The following DGKB variants were observed in gnomAD, a reference collection of about 807,000 sequenced individuals.
DGKB encodes the protein 90 kDa diacylglycerol kinase.
DGKB carries 67 observed loss-of-function variants against 114.3 expected under a neutral mutation model. That is an observed-to-expected ratio of 0.59 (90% CI 0.48 to 0.72). DGKB has a LOEUF of 0.72. Among genes scored for constraint, DGKB ranks in the 30% least tolerant of loss-of-function variants. The probability of loss-of-function intolerance (pLI) is 0.00; values close to 1 mark genes in which losing one functional copy is unlikely to be tolerated. For synonymous variants in DGKB, 398 were observed against 323.1 expected (o/e 1.23, Z -2.49); for missense variants, 907 against 975.2 (o/e 0.93, Z 0.93).
In DGKB at chr7:14,941,772, A is replaced by T. The variant is rs1785583829; in HGVS notation, c.-188+32924T>A. 1.3e-5 allele frequency among the ~76,000 whole-genome samples: 2 copies of T among 152,072 alleles called. 1 individual carries two copies. Among genetic ancestry groups the T allele is most frequent in the South Asian group, 4.1e-4 (2 of 4,832 alleles). ...GGTACTAGATTTCAGGTTTGAATAT[A>T]ATGGAAAGAGACTGAAAGATTATGC... On this transcript the variant is annotated intron_variant, in intron 1 of 4. Transcript: ENST00000437998.
chr7:14,267,680 G>T (rs187224722), intron 23 of DGKB, among the ~76,000 whole-genome samples: 3 of 151,770 alleles, frequency 2.0e-5, no homozygotes, highest in Non-Finnish European at 4.4e-5. Context: ...TAGCAGAGAC[G>T]GGGTTTTACC....
intron 20 of DGKB, among the ~76,000 whole-genome samples, chr7:14,559,696 T>C (rs887053785): frequency 3.9e-5 from 6 of 152,212 alleles, no homozygotes; most frequent in Non-Finnish European, 8.8e-5. Flanking sequence ...TATTTAGCAG[T>C]TGCCTAATCA....
At chr7:14,346,287 T>C (rs1812460064) in intron 21 of DGKB, among the ~76,000 whole-genome samples, 1 of 151,898 alleles carries the variant, frequency 6.6e-6, no homozygotes, top group African/African-American at 2.4e-5. Context: ...TCAAGCCTAT[T>C]ATTGGTTTGG....
chr7:14,554,819 A>C (rs1056211902), intron 20 of DGKB, among the ~76,000 whole-genome samples: 3 of 152,008 alleles, frequency 2.0e-5, no homozygotes, highest in African/African-American at 7.2e-5. Flanking sequence ...TCATCTGGCT[A>C]TTCAGTATTT....
At chr7:14,166,759 C>T (rs2128230570) in intron 25 of DGKB, among the ~76,000 whole-genome samples, 1 of 152,222 alleles carries the variant, frequency 6.6e-6, no homozygotes, top group Middle Eastern at 3.4e-3. Context: ...TAGTTTTTTT[C>T]TCTACTCTTG....
chr7:14,267,501 T>C (rs1215835404), intron 23 of DGKB, among the ~76,000 whole-genome samples: 1 of 151,902 alleles, frequency 6.6e-6, no homozygotes, highest in African/African-American at 2.4e-5. Context: ...ATTATTTATT[T>C]TTTTTGAGAC....
chr7:14,782,192 T>C (rs12673704), intron 2 of DGKB, among the ~76,000 whole-genome samples: 30,145 of 151,890 alleles, frequency 0.2, 3,244 homozygotes, highest in East Asian at 0.37. Flanking sequence ...ACTCAGGCAA[T>C]TTTTTGTATT....
intron 2 of DGKB, among the ~76,000 whole-genome samples, chr7:14,821,520 A>G (rs1438257138): frequency 6.6e-6 from 1 of 152,152 alleles, no homozygotes; most frequent in Non-Finnish European, 1.5e-5. Flanking sequence ...GTGAAAAGGA[A>G]GCTTGGGAAA....
rs556149239 is a variant in DGKB, at chr7:14,273,579, G to T, written c.2122+64936C>A. Among the ~76,000 whole-genome samples, 32 of 152,306 alleles carry T rather than the reference G, an allele frequency of 2.1e-4. No individual in the cohort carries two copies. The South Asian group carries it at 6.0e-3, about 29-fold the overall frequency. On this transcript the variant is annotated intron_variant, in intron 23 of 25. Coordinates refer to ENST00000402815, the MANE Select transcript of DGKB (RefSeq NM_001350709.2). Reference sequence around the variant, plus strand: ...TGTTGTATTGACACAAGGCAGAAGTGCTAGTTTTGAGAATAATTTGGGATA... The same window carrying T: ...TGTTGTATTGACACAAGGCAGAAGTTCTAGTTTTGAGAATAATTTGGGATA...
At position 14,146,985 on chromosome 7, in the gene DGKB, A is replaced by AGAC. The variant is rs1436294669; in HGVS notation, c.*2143_*2145dup. The AGAC allele has an allele frequency of 6.6e-6, 1 of 152,188 alleles. No individual in the cohort carries two copies. The allele number at this position is 152,188 out of a possible 1,614,324, so 9.4% of individuals were successfully genotyped here. On this transcript the variant is annotated 3_prime_UTR_variant, in exon 26 of 26. Transcript: ENST00000402815. The stretch of plus-strand genomic sequence containing the variant: ...AACTATATACTATAAAAGGTAGCCA[A>AGAC]GACATAATTGTATGTTGTAGCGAAC...
intron 23 of DGKB, among the ~76,000 whole-genome samples, chr7:14,198,080 T>G (rs1490729448): frequency 6.6e-6 from 1 of 152,094 alleles, no homozygotes; most frequent in Non-Finnish European, 1.5e-5. Flanking sequence ...TTCCTTTGCC[T>G]CAGCAAAGGA....
intron 21 of DGKB, among the ~76,000 whole-genome samples, chr7:14,460,009 G>A (rs1017105145): frequency 6.6e-6 from 1 of 152,136 alleles, no homozygotes; most frequent in African/African-American, 2.4e-5. Context: ...AGCTTCGTAA[G>A]GGAAGGAGAA....
At chr7:14,847,783 T>C (rs1287565625) in intron 1 of DGKB, among the ~76,000 whole-genome samples, 1 of 152,220 alleles carries the variant, frequency 6.6e-6, no homozygotes, top group Non-Finnish European at 1.5e-5. Flanking sequence ...GCCAGGTTTA[T>C]TTAAACTAAC....
chr7:14,770,805 A>G (rs1425419974), intron 2 of DGKB, among the ~76,000 whole-genome samples: 1 of 152,102 alleles, frequency 6.6e-6, no homozygotes, highest in Admixed American at 6.6e-5. Context: ...ACAGGCCTCC[A>G]TGACAACTGT....
intron 20 of DGKB, among the ~76,000 whole-genome samples, chr7:14,526,090 T>C (rs1790595742): frequency 6.6e-6 from 1 of 152,164 alleles, no homozygotes. Context: ...TTTCTTCACT[T>C]GTCTGTGGTT....
intron 23 of DGKB, among the ~76,000 whole-genome samples, chr7:14,244,592 T>C (rs1271361376): frequency 6.8e-6 from 1 of 146,058 alleles, no homozygotes; most frequent in East Asian, 2.1e-4. Flanking sequence ...ATCGCTTGAA[T>C]CTGGGAGGCG....
chr7:14,213,335 T>C (rs1584493338), intron 23 of DGKB, among the ~76,000 whole-genome samples: 1 of 152,242 alleles, frequency 6.6e-6, no homozygotes, highest in Middle Eastern at 3.4e-3. Context: ...CTTATATGAA[T>C]GATTCTCAAG....
chr7:14,536,347 G>T (rs889006348), intron 20 of DGKB, among the ~76,000 whole-genome samples: 2 of 152,060 alleles, frequency 1.3e-5, no homozygotes, highest in African/African-American at 4.8e-5. Flanking sequence ...TACAAGAAAA[G>T]AAAATCATAT....
intron 23 of DGKB, among the ~76,000 whole-genome samples, chr7:14,321,911 C>T (rs1272439590): frequency 6.6e-6 from 1 of 152,122 alleles, no homozygotes; most frequent in African/African-American, 2.4e-5. Context: ...ACCATGTTCA[C>T]CATTTAGAAG....
Sources: gnomAD v4.1 joint callset for allele counts (sites outside exome capture counted in the v4.1 genomes callset) on GRCh38, gnomAD v4.1.1 for gene constraint, MANE v1.5 for transcripts, NCBI Gene and HGNC (gene_info 2026-07-23, HGNC 2026-07-21) for gene names.